Variants in SNORC observed in about 807,000 individuals in gnomAD.
SNORC encodes protein SNORC.
SNORC carries 11 observed loss-of-function variants against 9.7 expected under a neutral mutation model. The ratio of observed to expected loss-of-function variants is 1.14; its 90% CI spans 0.72 to 1.88. The LOEUF (loss-of-function observed/expected upper bound fraction) is 1.88. SNORC is among the 40% of genes most tolerant of loss of function. The pLI is 0.00. For synonymous variants in SNORC, 108 were observed against 88.7 expected, an observed-to-expected ratio of 1.22 and a Z score of -1.22; for missense variants, 197 against 173.1, an observed-to-expected ratio of 1.14 and a Z score of -0.77.
At chr2:232,869,969 C>T (rs1400503891), upstream of SNORC, 1 of 349,056 alleles carries the variant, frequency 2.9e-6, no homozygotes, top group Non-Finnish European at 5.4e-6. Context: ...GTTTCAAGTT[C>T]CCTGGGTGAT....
chr2:232,871,283 C>T (rs988668217), intron 1 of SNORC, among the ~76,000 whole-genome samples: 2 of 152,128 alleles, frequency 1.3e-5, no homozygotes, highest in African/African-American at 2.4e-5. Flanking sequence ...GAGGCCCCCT[C>T]GGCCACACCC....
intron 1 of SNORC, among the ~76,000 whole-genome samples, chr2:232,871,853 C>T (rs1437961498): frequency 6.6e-6 from 1 of 152,126 alleles, no homozygotes; most frequent in Admixed American, 6.5e-5. Context: ...GCCTGTGGCT[C>T]CTGCCCAGGT....
downstream of SNORC, chr2:232,877,237 T>G (rs1001205442): frequency 2.0e-6 from 2 of 985,348 alleles, no homozygotes; most frequent in Non-Finnish European, 2.4e-6. Flanking sequence ...ACGGTTGGTT[T>G]GTTCAGGGAG....
chr2:232,876,709 T>C (rs1024894857), downstream of SNORC: 2 of 987,980 alleles, frequency 2.0e-6, no homozygotes, highest in African/African-American at 3.5e-5. This position sits in a 1 kb window ranked among gnomAD's most constrained non-coding sequence, Gnocchi z 6.8. Flanking sequence ...GCGTGCCCGG[T>C]GCGCGTGCGC....
chr2:232,875,218 A>C (rs1691177879), intron 1 of SNORC, among the ~76,000 whole-genome samples: 1 of 152,350 alleles, frequency 6.6e-6, no homozygotes, highest in Non-Finnish European at 1.5e-5. Flanking sequence ...AGGTGCCTGT[A>C]GTCCCAGCTA....
upstream of SNORC, among the ~76,000 whole-genome samples, chr2:232,866,670 GAC>G (rs1690885397): frequency 1.3e-5 from 2 of 151,984 alleles, no homozygotes; most frequent in South Asian, 4.2e-4. Context: ...TCAAGTTTGG[GAC>G]ACACATGCAC....
In SNORC at chr2:232,876,130, CGGGGCGGG is replaced by C; in HGVS notation, c.256+11_256+18del. 1 of 803,800 alleles carries C rather than the reference CGGGGCGGG, an allele frequency of 1.2e-6. No homozygotes were observed. Among genetic ancestry groups the C allele is most frequent in the African/African-American group, 3.2e-5 (1 of 31,158 alleles). 49.8% of individuals were successfully genotyped at this position (803,800 alleles called of 1,614,324 possible). On this transcript the variant is annotated intron_variant, in intron 2 of 2. Transcript: ENST00000331342. The surrounding 1 kb of genome is among the most constrained non-coding windows in gnomAD (Gnocchi z 6.8). ...GGCTGGACCAGGGCGGCGGTACGGG[CGGGGCGGG>C]GGAGGGAGGGGAGAGGGAGAAATTA...
At chr2:232,867,634 C>T (rs1033782723), upstream of SNORC, among the ~76,000 whole-genome samples, 10 of 152,226 alleles carry the variant, frequency 6.6e-5, no homozygotes, top group Non-Finnish European at 1.2e-4. Context: ...GCAGCAGCAG[C>T]TTGCAGCCTT....
At chr2:232,875,570 CG>C in intron 1 of SNORC, 1 of 397,134 alleles carries the variant, frequency 2.5e-6, no homozygotes, top group Non-Finnish European at 5.0e-6. Flanking sequence ...GGATACAGGG[CG>C]GGGGTTATCA....
intron 1 of SNORC, among the ~76,000 whole-genome samples, chr2:232,875,231 C>CCGCA (rs1422468553): frequency 6.6e-6 from 1 of 152,210 alleles, no homozygotes; most frequent in Non-Finnish European, 1.5e-5. Flanking sequence ...CCCAGCTACT[C>CCGCA]CGCAGGCTGA....
At position 232,876,037 on chromosome 2, in the gene SNORC, GC is replaced by G; in HGVS notation, c.174del (p.Val59TrpfsTer39). 6.5e-7 allele frequency: 1 copy of G among 1,543,904 alleles called. No individual in the cohort carries two copies. Among genetic ancestry groups the G allele is most frequent in the Non-Finnish European group, 8.7e-7 (1 of 1,148,452 alleles). ...TGGAGAGCACCAGCCCCGGCCGGGA[GC>G]CCGTGGACACCGGTCCCCCAGCCCC... On this transcript the variant is annotated frameshift_variant, in exon 2 of 3. Transcript: ENST00000331342. LOFTEE classifies it high-confidence loss of function. This position sits in a 1 kb window ranked among gnomAD's most constrained non-coding sequence, Gnocchi z 6.8.
chr2:232,877,977 CCT>C (rs1362984433), downstream of SNORC: 6 of 152,262 alleles, frequency 3.9e-5, no homozygotes, highest in African/African-American at 9.6e-5. Flanking sequence ...GAGATGGCCC[CCT>C]CTTTCCCTTT....
chr2:232,877,717 C>G (rs370587752), downstream of SNORC: 6 of 152,362 alleles, frequency 3.9e-5, no homozygotes, highest in South Asian at 2.1e-4. Context: ...TCATCCAAGT[C>G]TGTTAACAGC....
chr2:232,875,143 C>A (rs1171967982), intron 1 of SNORC, among the ~76,000 whole-genome samples: 1 of 152,214 alleles, frequency 6.6e-6, no homozygotes, highest in Non-Finnish European at 1.5e-5. Flanking sequence ...AGTTCAAAAT[C>A]AGCCTGGCCA....
chr2:232,867,183 AC>A (rs1490347376), upstream of SNORC, among the ~76,000 whole-genome samples: 7 of 152,230 alleles, frequency 4.6e-5, no homozygotes, highest in Non-Finnish European at 1.0e-4. Context: ...AAATAGCTTC[AC>A]ACTTCCTTGG....
chr2:232,877,980 C>T (rs1691340112), downstream of SNORC: 1 of 152,290 alleles, frequency 6.6e-6, no homozygotes, highest in South Asian at 2.1e-4. Flanking sequence ...ATGGCCCCCT[C>T]TTTCCCTTTC....
exon 2 of SNORC, chr2:232,875,984 G>A: frequency 6.4e-7 from 1 of 1,554,830 alleles, no homozygotes; most frequent in Non-Finnish European, 8.7e-7. Flanking sequence ...GAACGAGCCG[G>A]CCGAGCTGCC....
chr2:232,873,651 CAGTG>C (rs1167856581), intron 1 of SNORC, among the ~76,000 whole-genome samples: 2 of 152,170 alleles, frequency 1.3e-5, no homozygotes, highest in African/African-American at 4.8e-5. Context: ...TTCAGGCAGT[CAGTG>C]AGCCTAGACC....
downstream of SNORC, chr2:232,878,282 G>C (rs574448135): frequency 6.5e-6 from 1 of 153,220 alleles, no homozygotes; most frequent in East Asian, 1.9e-4. Context: ...GCGAGGGGAG[G>C]GGGTGCGCTC....
Sources: gnomAD v4.1 joint callset for allele counts (sites outside exome capture counted in the v4.1 genomes callset) on GRCh38, gnomAD v4.1.1 for gene constraint, Gnocchi (gnomAD v3.1) non-coding constraint, MANE v1.5 for transcripts, NCBI Gene and HGNC (gene_info 2026-07-23, HGNC 2026-07-21) for gene names.